SOX6: variants seen among roughly 807,000 people sequenced by gnomAD.
SOX6 encodes the protein SRY-box transcription factor 6.
A neutral mutation model predicts 97.8 loss-of-function variants in SOX6; 11 were observed. The observed-to-expected ratio is 0.11, with a 90% CI of 0.07 to 0.19. The LOEUF (loss-of-function observed/expected upper bound fraction) is 0.19, where lower values mean the gene tolerates loss of function less well. SOX6 is among the 10% of genes least tolerant of loss of function. The probability of loss-of-function intolerance (pLI) is 1.00; values close to 1 mark genes in which losing one functional copy is unlikely to be tolerated. For synonymous variants in SOX6, 360 were observed against 371.4 expected (o/e 0.97, Z 0.35); for missense variants, 810 against 1,039.5 (o/e 0.78, Z 3.04).
intron 3 of SOX6, among the ~76,000 whole-genome samples, chr11:16,615,860 C>T (rs954857072): frequency 6.6e-6 from 1 of 151,864 alleles, no homozygotes; most frequent in African/African-American, 2.4e-5. Flanking sequence ...CAATGATACA[C>T]AGAATTTTGG....
chr11:16,641,193 T>C (rs1564856069), intron 3 of SOX6, among the ~76,000 whole-genome samples: 1 of 152,322 alleles, frequency 6.6e-6, no homozygotes, highest in East Asian at 1.9e-4. Context: ...GGAGCAGGTG[T>C]TCAGTTTCCA....
chr11:16,175,791 G>A (rs1355494503), intron 6 of SOX6, among the ~76,000 whole-genome samples: 6 of 151,606 alleles, frequency 4.0e-5, no homozygotes, highest in Admixed American at 4.0e-4. Context: ...GTCTTATTTT[G>A]TGCTTCATTT....
intron 15 of SOX6, among the ~76,000 whole-genome samples, chr11:15,977,382 C>G (rs539674800): frequency 1.3e-5 from 2 of 152,162 alleles, no homozygotes; most frequent in Admixed American, 1.3e-4. Context: ...ATCCCACTCT[C>G]TAACCACCAC....
chr11:16,099,175 T>C (rs897802796), intron 7 of SOX6, among the ~76,000 whole-genome samples: 1 of 151,788 alleles, frequency 6.6e-6, no homozygotes, highest in African/African-American at 2.4e-5. Context: ...GGAGTAATGT[T>C]CAAAATATCT....
chr11:16,556,581 C>T (rs1847751343), intron 4 of SOX6, among the ~76,000 whole-genome samples: 1 of 151,606 alleles, frequency 6.6e-6, no homozygotes, highest in Admixed American at 6.6e-5. Flanking sequence ...AGAAAAATAC[C>T]CTTAACATTT....
intron 6 of SOX6, among the ~76,000 whole-genome samples, chr11:16,177,615 A>G (rs1219506252): frequency 1.9e-5 from 2 of 104,868 alleles, no homozygotes; most frequent in Non-Finnish European, 4.1e-5. Flanking sequence ...CTCTGAGAAT[A>G]AGATGATCTC....
intron 1 of SOX6, among the ~76,000 whole-genome samples, chr11:16,471,962 T>TTTTG (rs1225812450): frequency 1.3e-5 from 2 of 152,218 alleles, no homozygotes; most frequent in Non-Finnish European, 2.9e-5. Flanking sequence ...ATGTTTGGTT[T>TTTTG]TTTGTTTGTT....
At chr11:16,515,335 T>G (rs1360751928) in intron 4 of SOX6, among the ~76,000 whole-genome samples, 1 of 150,670 alleles carries the variant, frequency 6.6e-6, no homozygotes, top group African/African-American at 2.4e-5. Flanking sequence ...TTTGGCTGCA[T>G]AAATGTCTTC....
At chr11:16,457,441 G>A (rs1480102612) in intron 1 of SOX6, among the ~76,000 whole-genome samples, 1 of 152,032 alleles carries the variant, frequency 6.6e-6, no homozygotes, top group Admixed American at 6.6e-5. Flanking sequence ...TCAGAAGATA[G>A]AGAATGTCTA....
chr11:16,383,253 C>A (rs1330551089), intron 1 of SOX6, among the ~76,000 whole-genome samples: 1 of 151,830 alleles, frequency 6.6e-6, no homozygotes, highest in Non-Finnish European at 1.5e-5. Flanking sequence ...CCATAGATTC[C>A]TTATACAGCA....
chr11:16,568,326 G>A (rs1407755557), intron 4 of SOX6, among the ~76,000 whole-genome samples: 2 of 152,164 alleles, frequency 1.3e-5, no homozygotes, highest in African/African-American at 4.8e-5. Context: ...ATTACACTAA[G>A]TGAAAAACAG....
At chr11:16,217,824 C>G (rs1009317215) in intron 4 of SOX6, among the ~76,000 whole-genome samples, 5 of 152,094 alleles carry the variant, frequency 3.3e-5, no homozygotes, top group Non-Finnish European at 7.4e-5. Context: ...TTGAGGTCCC[C>G]TCTCCTGATT....
chr11:16,100,251 G>C (rs934951029), intron 7 of SOX6, among the ~76,000 whole-genome samples: 5 of 151,662 alleles, frequency 3.3e-5, no homozygotes, highest in Non-Finnish European at 7.4e-5. Context: ...CTCTGGATTT[G>C]AAATGCTTTC....
intron 3 of SOX6, among the ~76,000 whole-genome samples, chr11:16,668,863 C>T (rs1847827049): frequency 6.6e-6 from 1 of 152,146 alleles, no homozygotes; most frequent in Admixed American, 6.6e-5. Context: ...TATATATGCA[C>T]CAAACACTGG....
At chr11:16,220,212 A>G (rs575724486) in intron 4 of SOX6, among the ~76,000 whole-genome samples, 12 of 152,166 alleles carry the variant, frequency 7.9e-5, no homozygotes, top group Admixed American at 7.9e-4. Flanking sequence ...ACATGTGAAT[A>G]ACCCATTTTA....
intron 4 of SOX6, among the ~76,000 whole-genome samples, chr11:16,482,570 A>T (rs1860361796): frequency 6.6e-6 from 1 of 152,194 alleles, no homozygotes; most frequent in Admixed American, 6.5e-5. Flanking sequence ...TGTTTTCTAC[A>T]AAATAGGCAG....
intron 4 of SOX6, among the ~76,000 whole-genome samples, chr11:16,574,649 A>T (rs1847966061): frequency 6.6e-6 from 1 of 152,206 alleles, no homozygotes; most frequent in Non-Finnish European, 1.5e-5. Flanking sequence ...AAAAGATTCC[A>T]TAAAGTGAAA....
At chr11:16,462,105 T>G (rs575243226) in intron 1 of SOX6, among the ~76,000 whole-genome samples, 1 of 152,348 alleles carries the variant, frequency 6.6e-6, no homozygotes, top group South Asian at 2.1e-4. Context: ...AAAAAGGATT[T>G]GTCTTAACTG....
Position 16,033,669 on chromosome 11 carries a change from G to A in SOX6, c.1623+12845C>T, listed in dbSNP as rs756410570. 8.7e-4 allele frequency among the ~76,000 whole-genome samples: 133 copies of A among 152,224 alleles called. 1 individual carries two copies. The highest frequency in any genetic ancestry group is 1.4e-3 in the Non-Finnish European group (98 of 68,008). On this transcript the variant is annotated intron_variant, in intron 12 of 15. Transcript: ENST00000683767. ...GTGCATCACCTGAGGTCAGGAGTTC[G>A]AGATGAGCCTGGCCAACACGGTGAA...
Sources: gnomAD v4.1 joint callset for allele counts (sites outside exome capture counted in the v4.1 genomes callset) on GRCh38, gnomAD v4.1.1 for gene constraint, MANE v1.5 for transcripts, NCBI Gene and HGNC (gene_info 2026-07-23, HGNC 2026-07-21) for gene names.